The following CPLANE1 variants were observed in gnomAD, a reference collection of about 807,000 sequenced individuals.
CPLANE1 encodes the protein ciliogenesis and planar polarity effector 1.
In CPLANE1, 263 loss-of-function variants were observed where a neutral mutation model predicts 362.5. The observed-to-expected ratio is 0.73, with a 90% CI of 0.66 to 0.80. CPLANE1 has a LOEUF of 0.80. CPLANE1 is among the 30% of genes least tolerant of loss of function. The pLI is 0.00. For missense variants in CPLANE1, 3,461 were observed against 3,793.4 expected, an observed-to-expected ratio of 0.91 and a Z score of 2.30; for synonymous variants, 1,212 against 1,302.6, an observed-to-expected ratio of 0.93 and a Z score of 1.50.
At chr5:37,181,625 G>T (rs1782674521) in intron 26 of CPLANE1, among the ~76,000 whole-genome samples, 1 of 152,090 alleles carries the variant, frequency 6.6e-6, no homozygotes, top group African/African-American at 2.4e-5. Context: ...GACCAGCTTG[G>T]GTAACAAAGG....
chr5:37,230,907 G>A lies in CPLANE1; in HGVS notation c.1081C>T (p.Pro361Ser), dbSNP rs758553385. The change falls in exon 9 of 53, where the codon CCA (proline) becomes TCA (serine). Residue 361 changes from proline to serine, a missense_variant. Transcript: ENST00000651892. ...ITFGCSIEFGPAEFIPLHPLI... is the reference protein window; with the variant it reads ...ITFGCSIEFGSAEFIPLHPLI... Reference sequence around the variant, plus strand: ...GGATGAAGAGGAATAAATTCTGCTGGGCCAAATTCTATAGAGCAACCAAAT... The same window carrying A: ...GGATGAAGAGGAATAAATTCTGCTGAGCCAAATTCTATAGAGCAACCAAAT... 3 of 1,546,142 alleles carry A rather than the reference G, an allele frequency of 1.9e-6. No individual in the cohort carries two copies. Among genetic ancestry groups the A allele is most frequent in the South Asian group, 1.2e-5 (1 of 83,004 alleles).
At chr5:37,241,274 C>A (rs560098012) in intron 6 of CPLANE1, among the ~76,000 whole-genome samples, 16 of 152,082 alleles carry the variant, frequency 1.1e-4, no homozygotes, top group Non-Finnish European at 2.1e-4. Flanking sequence ...GCCAACATGG[C>A]GAAACCCCAT....
intron 39 of CPLANE1, 40 bp from the exon 40 acceptor site, chr5:37,157,908 T>G: frequency 8.1e-7 from 1 of 1,227,458 alleles, no homozygotes; most frequent in Non-Finnish European, 1.1e-6. Flanking sequence ...GTTACATTCT[T>G]TTTACTCTAT....
chr5:37,138,395 G>C, intron 46 of CPLANE1: 1 of 371,950 alleles, frequency 2.7e-6, no homozygotes, highest in South Asian at 2.3e-5. Flanking sequence ...TGATAGATCA[G>C]AAAGCCTATT....
At chr5:37,236,142 G>A (rs913837832) in intron 8 of CPLANE1, among the ~76,000 whole-genome samples, 3 of 152,036 alleles carry the variant, frequency 2.0e-5, no homozygotes, top group Non-Finnish European at 2.9e-5. Flanking sequence ...CCCAAAGTGC[G>A]TTAGCCACCA....
intron 21 of CPLANE1, among the ~76,000 whole-genome samples, chr5:37,192,319 T>C (rs1785768195): frequency 1.3e-5 from 2 of 152,124 alleles, no homozygotes; most frequent in South Asian, 4.1e-4. Context: ...TTGCATACAA[T>C]AGCCTTGAAC....
chr5:37,138,460 A>T, intron 46 of CPLANE1: 1 of 570,574 alleles, frequency 1.8e-6, no homozygotes, highest in East Asian at 4.0e-5. Flanking sequence ...CTAATCATTA[A>T]TTACTTCTAG....
chr5:37,212,910 G>A (rs529644407), intron 16 of CPLANE1, among the ~76,000 whole-genome samples: 44 of 152,206 alleles, frequency 2.9e-4, no homozygotes, highest in Admixed American at 2.0e-4. Context: ...TACTTGGGAG[G>A]CTGAGGTGGT....
intron 41 of CPLANE1, among the ~76,000 whole-genome samples, chr5:37,157,105 G>A (rs949794216): frequency 2.0e-5 from 3 of 152,158 alleles, no homozygotes; most frequent in African/African-American, 7.2e-5. Context: ...AAAGACATAT[G>A]CATAAACAGA....
chr5:37,121,922 C>G (rs1762765774), intron 48 of CPLANE1, 138 bp from the exon 49 acceptor site: 1 of 675,698 alleles, frequency 1.5e-6, no homozygotes, highest in African/African-American at 1.9e-5. Context: ...TCTTGTCACC[C>G]AGGCTGGATT....
intron 43 of CPLANE1, among the ~76,000 whole-genome samples, chr5:37,146,562 G>T (rs2150490956): frequency 6.6e-6 from 1 of 152,276 alleles, no homozygotes; most frequent in South Asian, 2.1e-4. Context: ...TTTTAAAGGA[G>T]TGTCAATATT....
At chr5:37,184,765 T>C (rs370211790) in intron 25 of CPLANE1, 23 bp downstream of exon 25, 443 of 1,581,290 alleles carry the variant, frequency 2.8e-4, no homozygotes, top group Non-Finnish European at 3.6e-4. Context: ...TGAATGCCAG[T>C]GATTAAAAGA....
intron 23 of CPLANE1, 81 bp from the exon 24 acceptor site, chr5:37,186,475 C>T (rs1784024901): frequency 1.4e-6 from 1 of 718,138 alleles, no homozygotes; most frequent in African/African-American, 1.8e-5. Context: ...TTTATTTTAA[C>T]TCAAAATATA....
At chr5:37,172,601 G>C (rs927309810) in intron 32 of CPLANE1, among the ~76,000 whole-genome samples, 1 of 152,188 alleles carries the variant, frequency 6.6e-6, no homozygotes, top group African/African-American at 2.4e-5. Context: ...AGGGACTAGG[G>C]AGAATAAGAA....
At chr5:37,196,630 C>T (rs1351832128) in intron 20 of CPLANE1, among the ~76,000 whole-genome samples, 1 of 152,080 alleles carries the variant, frequency 6.6e-6, no homozygotes, top group African/African-American at 2.4e-5. Flanking sequence ...AGATTCATTT[C>T]TAAAAAAATT....
intron 25 of CPLANE1, 76 bp from the exon 26 acceptor site, chr5:37,183,775 A>C: frequency 9.7e-7 from 1 of 1,029,888 alleles, no homozygotes; most frequent in Non-Finnish European, 1.4e-6. Flanking sequence ...TTGACATGGA[A>C]AATTCTCTCC....
At chr5:37,184,544 G>A (rs575415098) in intron 25 of CPLANE1, among the ~76,000 whole-genome samples, 25 of 152,116 alleles carry the variant, frequency 1.6e-4, no homozygotes, top group Non-Finnish European at 2.8e-4. Flanking sequence ...CTACTCCTTT[G>A]ATTTTATAAT....
intron 47 of CPLANE1, among the ~76,000 whole-genome samples, chr5:37,123,926 A>AACACAC (rs767541734): frequency 1.0e-5 from 1 of 99,728 alleles, no homozygotes; most frequent in Admixed American, 1.0e-4. Context: ...AGGCTAGGGG[A>AACACAC]ACATACACAC....
intron 7 of CPLANE1, 109 bp downstream of exon 7, chr5:37,239,604 G>C: frequency 2.6e-5 from 15 of 571,062 alleles, no homozygotes; most frequent in East Asian, 4.0e-5. Context: ...AAAAAAACCA[G>C]AAAGAAAAAA....
Sources: allele counts gnomAD v4.1 joint callset (sites outside exome capture counted in the v4.1 genomes callset), GRCh38; gene constraint gnomAD v4.1.1; transcripts MANE v1.5; gene names NCBI Gene and HGNC (gene_info 2026-07-23, HGNC 2026-07-21).